TAX1BP1: variants seen among roughly 807,000 people sequenced by gnomAD.
The protein encoded by TAX1BP1 is Tax1 binding protein 1.
TAX1BP1 carries 62 observed loss-of-function variants against 97.7 expected under a neutral mutation model. The observed-to-expected ratio is 0.63, with a 90% CI of 0.52 to 0.78. The LOEUF (loss-of-function observed/expected upper bound fraction) is 0.78. Ranked by LOEUF, TAX1BP1 falls within the 30% of genes least tolerant of loss-of-function variation. TAX1BP1 has a pLI of 0.00. For synonymous variants in TAX1BP1, 340 were observed against 304.2 expected, an observed-to-expected ratio of 1.12 and a Z score of -1.23; for missense variants, 867 against 916.1, an observed-to-expected ratio of 0.95 and a Z score of 0.69.
intron 5 of TAX1BP1, chr7:27,772,442 C>A (rs1210758355): frequency 6.6e-6 from 1 of 151,912 alleles, no homozygotes; most frequent in African/African-American, 2.4e-5. Context: ...ATGGATTCTC[C>A]ATGTAATAAG....
chr7:27,828,558 T>G (rs530880468), intron 16 of TAX1BP1, 70 bp from the exon 17 acceptor site: 1 of 1,461,498 alleles, frequency 6.8e-7, no homozygotes, highest in South Asian at 1.2e-5. Context: ...AATGGAACCT[T>G]GTCATATATG....
At chr7:27,757,952 A>G (rs1788285398) in intron 2 of TAX1BP1, 79 bp from the exon 3 acceptor site, 6 of 771,340 alleles carry the variant, frequency 7.8e-6, no homozygotes, top group East Asian at 2.6e-5. Flanking sequence ...GTAAAATACA[A>G]TAAATAAACA....
chr7:27,793,954 T>C (rs746183076), intron 10 of TAX1BP1, among the ~76,000 whole-genome samples: 1 of 152,202 alleles, frequency 6.6e-6, no homozygotes, highest in Non-Finnish European at 1.5e-5. Context: ...TGTAGTAAAG[T>C]AGGAAGGCTT....
At chr7:27,785,729 T>A (rs1441180069) in intron 7 of TAX1BP1, among the ~76,000 whole-genome samples, 1 of 152,200 alleles carries the variant, frequency 6.6e-6, no homozygotes, top group Non-Finnish European at 1.5e-5. Context: ...AACCTTCAGC[T>A]CCTCTTGAAG....
rs777307635 is a variant in TAX1BP1, at chr7:27,787,523, G to A, written c.958G>A (p.Glu320Lys). The A allele has an allele frequency of 1.2e-6, 2 of 1,613,772 alleles. No homozygotes were observed. Among genetic ancestry groups the A allele is most frequent in the Admixed American group, 1.7e-5 (1 of 60,014 alleles). ...AGAAAGCGTGATTACTCATTTCAAA[G>A]AAGAGATTGGCAGGCTGCAGTTATG... The part of the protein sequence containing the change: ...NKESVITHFK[E>K]EIGRLQLCLA... The change falls in exon 8 of 17, where the codon GAA becomes AAA. Residue 320 changes from glutamate (E) to lysine (K), a missense_variant. By Grantham distance (56) the Glu-to-Lys change is moderately conservative. Transcript: ENST00000396319.
chr7:27,822,161 C>G (rs1284326094), intron 15 of TAX1BP1, among the ~76,000 whole-genome samples: 1 of 152,148 alleles, frequency 6.6e-6, no homozygotes, highest in Non-Finnish European at 1.5e-5. Flanking sequence ...TGAAGTATTA[C>G]AAAATCTGAG....
chr7:27,771,612 T>A (rs1788853031), intron 5 of TAX1BP1, among the ~76,000 whole-genome samples: 2 of 151,974 alleles, frequency 1.3e-5, no homozygotes, highest in South Asian at 4.1e-4. Flanking sequence ...ACTAAAGTGG[T>A]AGACTGAGGT....
At chr7:27,747,912 G>T (rs1478185784) in intron 1 of TAX1BP1, among the ~76,000 whole-genome samples, 1 of 151,876 alleles carries the variant, frequency 6.6e-6, no homozygotes, top group East Asian at 1.9e-4. Flanking sequence ...TGTAACCAGG[G>T]TTGAGAAATG....
At chr7:27,758,310 A>AT in intron 3 of TAX1BP1, 177 bp downstream of exon 3, 3 of 403,566 alleles carry the variant, frequency 7.4e-6, no homozygotes, top group Non-Finnish European at 1.3e-5. Flanking sequence ...GCCACATGAT[A>AT]TTTTATGTAG....
intron 1 of TAX1BP1, among the ~76,000 whole-genome samples, chr7:27,745,513 A>G (rs957883465): frequency 2.0e-5 from 3 of 152,244 alleles, no homozygotes; most frequent in African/African-American, 7.2e-5. Flanking sequence ...GTAATTTAAT[A>G]AGAGTAAAAA....
chr7:27,766,249 T>C (rs1178842557), intron 4 of TAX1BP1, among the ~76,000 whole-genome samples: 1 of 151,756 alleles, frequency 6.6e-6, no homozygotes, highest in African/African-American at 2.4e-5. Flanking sequence ...TGTAACTCTG[T>C]CTCTACTAAG....
intron 2 of TAX1BP1, among the ~76,000 whole-genome samples, chr7:27,755,181 T>G (rs1389845717): frequency 6.6e-6 from 1 of 152,230 alleles, no homozygotes; most frequent in Non-Finnish European, 1.5e-5. Context: ...TACTCCTACC[T>G]TCCCCAGTGA....
intron 13 of TAX1BP1, among the ~76,000 whole-genome samples, chr7:27,813,085 T>G (rs1054364232): frequency 6.6e-6 from 1 of 152,000 alleles, no homozygotes; most frequent in Admixed American, 6.6e-5. Flanking sequence ...CCGTCTTGTT[T>G]ACTGTAGCTT....
chr7:27,807,382 G>A (rs1318743225), intron 13 of TAX1BP1, among the ~76,000 whole-genome samples: 1 of 152,026 alleles, frequency 6.6e-6, no homozygotes, highest in African/African-American at 2.4e-5. Flanking sequence ...TCCAATCCAT[G>A]ATCATACATT....
intron 4 of TAX1BP1, among the ~76,000 whole-genome samples, chr7:27,769,100 G>A (rs1455888870): frequency 6.6e-6 from 1 of 151,814 alleles, no homozygotes; most frequent in East Asian, 1.9e-4. Context: ...CAGTCTGCAT[G>A]TTTGTCCTAA....
chr7:27,760,259 A>T (rs1372798244), intron 3 of TAX1BP1, among the ~76,000 whole-genome samples: 1 of 152,080 alleles, frequency 6.6e-6, no homozygotes, highest in Non-Finnish European at 1.5e-5. Context: ...TAAAAGAAAA[A>T]CCTTTAAAAA....
At chr7:27,799,027 G>T (rs1230849605) in intron 12 of TAX1BP1, among the ~76,000 whole-genome samples, 1 of 151,880 alleles carries the variant, frequency 6.6e-6, no homozygotes, top group Non-Finnish European at 1.5e-5. Flanking sequence ...ATAAAGTACA[G>T]TTTATCAGTT....
intron 5 of TAX1BP1, among the ~76,000 whole-genome samples, chr7:27,774,730 T>G (rs1358102435): frequency 6.6e-6 from 1 of 152,186 alleles, no homozygotes; most frequent in East Asian, 1.9e-4. Context: ...TTTAGTGTTT[T>G]TCTGTGGCCT....
chr7:27,817,765 G>A (rs1790833017), intron 15 of TAX1BP1, among the ~76,000 whole-genome samples: 2 of 151,836 alleles, frequency 1.3e-5, no homozygotes, highest in Admixed American at 6.6e-5. Context: ...GCTCTTTTTG[G>A]ATTTCCTGTG....
Sources: gnomAD v4.1 joint callset for allele counts (sites outside exome capture counted in the v4.1 genomes callset) on GRCh38, gnomAD v4.1.1 for gene constraint, MANE v1.5 for transcripts, NCBI Gene and HGNC (gene_info 2026-07-23, HGNC 2026-07-21) for gene names.